MEGF11: variants seen among roughly 807,000 people sequenced by gnomAD.
MEGF11 encodes the protein multiple epidermal growth factor-like domains protein 11.
A neutral mutation model predicts 146.6 loss-of-function variants in MEGF11; 126 were observed. The observed-to-expected ratio is 0.86, with a 90% confidence interval of 0.74 to 1.00. The LOEUF is 1.00. Ranked by LOEUF, MEGF11 falls within the 50% of genes least tolerant of loss-of-function variation. The pLI is 0.00. For missense variants in MEGF11, 1,509 were observed against 1,521.2 expected (o/e 0.99, Z 0.13); for synonymous variants, 532 against 583.4 (o/e 0.91, Z 1.27).
chr15:66,161,493 C>G (rs1276466468), intron 1 of MEGF11, among the ~76,000 whole-genome samples: 1 of 152,150 alleles, frequency 6.6e-6, no homozygotes, highest in Non-Finnish European at 1.5e-5. Flanking sequence ...TCAAGAGATC[C>G]TCCCACCTCA....
At chr15:66,119,508 C>T (rs1217453611) in intron 3 of MEGF11, among the ~76,000 whole-genome samples, 1 of 152,184 alleles carries the variant, frequency 6.6e-6, no homozygotes, top group Non-Finnish European at 1.5e-5. Flanking sequence ...CCTTAAAACA[C>T]CCAGATTCTG....
intron 4 of MEGF11, 92 bp downstream of exon 4, chr15:66,118,994 C>A: frequency 1.2e-6 from 1 of 837,098 alleles, no homozygotes; most frequent in South Asian, 1.6e-5. Flanking sequence ...GCCTAGGGGC[C>A]GTGGATATCA....
Position 65,916,287 on chromosome 15 carries a change from A to G in MEGF11, c.2216-11T>C, listed in dbSNP as rs2078996148. 5 of 1,551,328 alleles carry G rather than the reference A, an allele frequency of 3.2e-6. No individual in the cohort carries two copies. Among genetic ancestry groups the G allele is most frequent in the Non-Finnish European group, 4.4e-6 (5 of 1,146,662 alleles). ...ATGCTGCTGGGCAGCCTAGAGAAAC[A>G]GGATTTCCAGTCACGAGAGTTGCTG... is the stretch of plus-strand genomic sequence containing the variant. On this transcript the variant is annotated splice_polypyrimidine_tract_variant and intron_variant, in intron 17 of 25. Transcript: ENST00000395614.
At chr15:66,005,382 C>G (rs1466547390) in intron 5 of MEGF11, among the ~76,000 whole-genome samples, 1 of 152,154 alleles carries the variant, frequency 6.6e-6, no homozygotes, top group African/African-American at 2.4e-5. Flanking sequence ...AAGTGGAGAT[C>G]ATTTTACCAG....
At chr15:66,166,646 T>C (rs1827185705) in intron 1 of MEGF11, among the ~76,000 whole-genome samples, 1 of 151,888 alleles carries the variant, frequency 6.6e-6, no homozygotes, top group Non-Finnish European at 1.5e-5. Context: ...CTCCTGTCTG[T>C]TCCTCCAGCA....
chr15:66,231,306 A>T (rs1407914081), intron 1 of MEGF11, among the ~76,000 whole-genome samples: 2 of 151,984 alleles, frequency 1.3e-5, no homozygotes, highest in Non-Finnish European at 2.9e-5. Flanking sequence ...AGTGTGCTGC[A>T]GATGAACCCC....
chr15:66,216,714 G>C (rs545017644), intron 1 of MEGF11, among the ~76,000 whole-genome samples: 1 of 152,296 alleles, frequency 6.6e-6, no homozygotes, highest in Admixed American at 6.5e-5. Flanking sequence ...TTCTAACCCA[G>C]AAATGGACGT....
chr15:65,943,073 G>GC (rs1272973194), intron 10 of MEGF11, among the ~76,000 whole-genome samples: 3 of 121,228 alleles, frequency 2.5e-5, no homozygotes, highest in Non-Finnish European at 4.8e-5. Flanking sequence ...TGCAACCACC[G>GC]CCCCCCGGGT....
chr15:66,246,481 G>A (rs1224054500), intron 1 of MEGF11, among the ~76,000 whole-genome samples: 2 of 151,824 alleles, frequency 1.3e-5, no homozygotes, highest in South Asian at 2.1e-4. Flanking sequence ...TCATGATGGC[G>A]GCCAGGCATC....
chr15:66,183,850 G>A (rs911244532), intron 1 of MEGF11, among the ~76,000 whole-genome samples: 2 of 152,132 alleles, frequency 1.3e-5, no homozygotes, highest in African/African-American at 2.4e-5. Flanking sequence ...CTCACCTTGC[G>A]CTGCAAGGTC....
intron 1 of MEGF11, among the ~76,000 whole-genome samples, chr15:66,237,726 T>C (rs1331071342): frequency 6.6e-6 from 1 of 152,202 alleles, no homozygotes; most frequent in Non-Finnish European, 1.5e-5. Flanking sequence ...TGGAGGGCAG[T>C]CTGCCACACA....
intron 10 of MEGF11, among the ~76,000 whole-genome samples, chr15:65,954,716 G>A (rs2080519658): frequency 6.6e-6 from 1 of 152,244 alleles, no homozygotes; most frequent in Admixed American, 6.5e-5. Flanking sequence ...CATCTCAGGT[G>A]CAAGGAAGAG....
intron 23 of MEGF11, among the ~76,000 whole-genome samples, 169 bp from the exon 24 acceptor site, chr15:65,906,310 GT>G (rs971236552): frequency 6.6e-6 from 1 of 151,856 alleles, no homozygotes; most frequent in Non-Finnish European, 1.5e-5. Context: ...ACCTGAAATT[GT>G]TTTGATAAAT....
chr15:66,147,282 G>A (rs1014768767), intron 1 of MEGF11, among the ~76,000 whole-genome samples: 7 of 152,120 alleles, frequency 4.6e-5, no homozygotes, highest in South Asian at 2.1e-4. Context: ...ACATGGTTGC[G>A]CAGCCCAGGG....
intron 5 of MEGF11, among the ~76,000 whole-genome samples, chr15:65,996,426 C>T (rs894141604): frequency 2.0e-5 from 3 of 152,012 alleles, no homozygotes; most frequent in Non-Finnish European, 4.4e-5. Context: ...TGAACTTGCC[C>T]TTTAAATACT....
At chr15:66,122,261 C>CA (rs35684952) in intron 3 of MEGF11, among the ~76,000 whole-genome samples, 71,774 of 141,302 alleles carry the variant, frequency 0.51, 17,936 homozygotes, top group Admixed American at 0.58. Flanking sequence ...GCGATTCTGT[C>CA]AAAAAAAAAA....
At chr15:65,999,968 G>A (rs527526289) in intron 5 of MEGF11, among the ~76,000 whole-genome samples, 2 of 152,308 alleles carry the variant, frequency 1.3e-5, no homozygotes, top group African/African-American at 4.8e-5. Context: ...AAGGGAAAGG[G>A]GCAGTGCACA....
chr15:66,002,703 A>G (rs1159277654), intron 5 of MEGF11, among the ~76,000 whole-genome samples: 1 of 152,268 alleles, frequency 6.6e-6, no homozygotes, highest in East Asian at 1.9e-4. Context: ...ATAAATGCAC[A>G]ATAAATTGTA....
chr15:66,233,112 A>G lies in MEGF11; in HGVS notation c.-9+20493T>C, dbSNP rs189188046. Among the ~76,000 whole-genome samples, 10 of 152,316 alleles carry G rather than the reference A, an allele frequency of 6.6e-5. 1 individual carries two copies. Among genetic ancestry groups the G allele is most frequent in the Admixed American group, 3.9e-4 (6 of 15,304 alleles). ...CCCAAACAGGTTAAGCAGCGTGCTC[A>G]TATCACTGGGCTGTTCATAATACCA... On this transcript the variant is annotated intron_variant, in intron 1 of 25. Coordinates refer to ENST00000395614, the MANE Select transcript of MEGF11 (RefSeq NM_001385028.1).
Sources: allele counts gnomAD v4.1 joint callset (sites outside exome capture counted in the v4.1 genomes callset), GRCh38; gene constraint gnomAD v4.1.1; transcripts MANE v1.5; gene names NCBI Gene and HGNC (gene_info 2026-07-23, HGNC 2026-07-21).